Variants in PDZD9 observed in about 807,000 individuals in gnomAD.
The protein encoded by PDZD9 is PDZ domain containing 9.
Under a neutral mutation model 16.3 loss-of-function variants are expected in PDZD9, and 13 were observed. That is an observed-to-expected ratio of 0.80 (90% CI 0.52 to 1.27). PDZD9 has a LOEUF of 1.27. PDZD9 is among the 50% of genes most tolerant of loss of function. The pLI, the probability that PDZD9 is intolerant of heterozygous loss-of-function variation, is 0.00. For synonymous variants in PDZD9, 120 were observed against 111.0 expected, an observed-to-expected ratio of 1.08 and a Z score of -0.51; for missense variants, 288 against 310.9, an observed-to-expected ratio of 0.93 and a Z score of 0.55.
downstream of PDZD9, among the ~76,000 whole-genome samples, chr16:21,981,767 A>T (rs889962802): frequency 6.6e-6 from 1 of 152,028 alleles, no homozygotes; most frequent in Non-Finnish European, 1.5e-5. Context: ...TGTCTCAAAT[A>T]AAAAAGAGAC....
chr16:21,957,813 A>G, the PDZD9 span, among the ~76,000 whole-genome samples: 1 of 152,180 alleles, frequency 6.6e-6, no homozygotes, highest in African/African-American at 2.4e-5. Context: ...AGGTTCTAGG[A>G]AGGCACAAAT....
rs1362961502 is a variant in PDZD9, at chr16:21,984,505, C to T, written c.557G>A (p.Trp186Ter). ...ARRPISISRD[W>*]HGYKKKNHTI... is the part of the protein sequence containing the mutation. ...ATGGTTCTTCTTCTTATATCCATGC[C>T]AGTCTCTGGAGATGGATATTGGTCT... The change falls in exon 4 of 4, where the codon TGG (tryptophan) becomes TAG (stop). Residue 186 changes from tryptophan to a stop codon, truncating the protein, a stop_gained. Transcript: ENST00000424898. LOFTEE classifies it low-confidence loss of function (END_TRUNC). 21 of 1,608,658 alleles carry T rather than the reference C, an allele frequency of 1.3e-5. No homozygotes were observed. Among genetic ancestry groups the T allele is most frequent in the Non-Finnish European group, 1.4e-5 (16 of 1,175,526 alleles).
the PDZD9 span, among the ~76,000 whole-genome samples, chr16:21,977,654 C>G: frequency 2.0e-5 from 3 of 152,166 alleles, no homozygotes; most frequent in African/African-American, 7.2e-5. Flanking sequence ...GGAAATCAAC[C>G]TGCATTTTCA....
chr16:21,990,081 A>G (rs796733838), intron 2 of PDZD9, among the ~76,000 whole-genome samples: 6 of 152,224 alleles, frequency 3.9e-5, no homozygotes, highest in African/African-American at 1.4e-4. Flanking sequence ...CTTTTGGGAG[A>G]TTCTGTCAGA....
downstream of PDZD9, chr16:21,983,197 A>G (rs1429520144): frequency 1.3e-6 from 2 of 1,597,840 alleles, no homozygotes; most frequent in Non-Finnish European, 8.6e-7. Context: ...TACAGGAGAG[A>G]GCTGAACGTT....
the PDZD9 span, among the ~76,000 whole-genome samples, chr16:21,969,711 T>G: frequency 6.6e-6 from 1 of 152,178 alleles, no homozygotes; most frequent in African/African-American, 2.4e-5. Context: ...AAATTCACCC[T>G]TTTGAAGTGA....
the PDZD9 span, chr16:21,973,928 T>G: frequency 6.2e-7 from 1 of 1,613,030 alleles, no homozygotes; most frequent in Non-Finnish European, 8.5e-7. Flanking sequence ...ACTCAGATTC[T>G]GGACTCTTTG....
the PDZD9 span, among the ~76,000 whole-genome samples, chr16:21,957,969 A>G: frequency 6.6e-6 from 1 of 152,230 alleles, no homozygotes; most frequent in Non-Finnish European, 1.5e-5. Flanking sequence ...TAAGGATACC[A>G]GTTACATTAG....
the PDZD9 span, chr16:21,976,061 G>A: frequency 1.2e-4 from 86 of 711,868 alleles, no homozygotes; most frequent in East Asian, 2.2e-3. Context: ...CTGTTTGTCT[G>A]GAACTAACCT....
At chr16:21,983,215 C>A, downstream of PDZD9, 2 of 1,545,340 alleles carry the variant, frequency 1.3e-6, no homozygotes, top group Non-Finnish European at 1.8e-6. Flanking sequence ...GTTCTCTCAG[C>A]CCAGAGCAGC....
chr16:21,962,967 G>A, the PDZD9 span: 1 of 1,470,920 alleles, frequency 6.8e-7, no homozygotes, highest in Non-Finnish European at 9.1e-7. Context: ...AAAAATTGCT[G>A]TCAAAATTTT....
At chr16:22,000,154 G>A (rs770372115) in intron 1 of PDZD9, among the ~76,000 whole-genome samples, 1 of 152,116 alleles carries the variant, frequency 6.6e-6, no homozygotes, top group Non-Finnish European at 1.5e-5. Context: ...CAGTGAGCCA[G>A]GAGCATACCA....
chr16:21,981,275 T>C (rs1319969718), downstream of PDZD9, among the ~76,000 whole-genome samples: 1 of 152,190 alleles, frequency 6.6e-6, no homozygotes, highest in East Asian at 1.9e-4. Context: ...GCAAGGACTA[T>C]GTCATGTACT....
At chr16:21,964,024 C>G in the PDZD9 span, among the ~76,000 whole-genome samples, 6 of 152,050 alleles carry the variant, frequency 3.9e-5, no homozygotes, top group African/African-American at 1.5e-4. Flanking sequence ...GCCGCTGACT[C>G]TTGGGAGTCA....
At chr16:21,958,498 G>T in the PDZD9 span, 2 of 1,600,750 alleles carry the variant, frequency 1.2e-6, no homozygotes, top group South Asian at 2.2e-5. Flanking sequence ...ACTTGGCATT[G>T]AAAAGCTACA....
At chr16:21,959,412 TCTC>T in the PDZD9 span, 3 of 255,394 alleles carry the variant, frequency 1.2e-5, no homozygotes, top group Non-Finnish European at 2.4e-5. Flanking sequence ...ATAAGAAGCA[TCTC>T]CTCATCTGTT....
chr16:21,963,868 C>T, the PDZD9 span, among the ~76,000 whole-genome samples: 1 of 152,118 alleles, frequency 6.6e-6, no homozygotes, highest in Non-Finnish European at 1.5e-5. Flanking sequence ...TATTGTTTAG[C>T]CATCTCCTCT....
In PDZD9 at chr16:22,000,825, AATGATGATGATG is replaced by A. The variant is rs10611346; in HGVS notation, c.31+180_31+191del. Among the ~76,000 whole-genome samples the A allele has an allele frequency of 2.5e-3, 345 of 140,588 alleles. 1 individual carries two copies. Among genetic ancestry groups the A allele is most frequent in the East Asian group, 7.6e-3 (36 of 4,738 alleles). 92.2% of individuals were successfully genotyped at this position (140,588 alleles called of 152,430 possible). On this transcript the variant is annotated intron_variant, in intron 1 of 3. Transcript: ENST00000424898. ...GGGGACAAAGCAAGACTCCTTCTCA[AATGATGATGATG>A]ATGATGATGATGATGATGATGATGA... is the stretch of plus-strand genomic sequence containing the variant.
the PDZD9 span, among the ~76,000 whole-genome samples, chr16:21,963,798 A>T: frequency 6.6e-6 from 1 of 151,926 alleles, no homozygotes; most frequent in Non-Finnish European, 1.5e-5. Context: ...TGTTTTGCTT[A>T]CCCCAAATCC....
Sources: allele counts gnomAD v4.1 joint callset (sites outside exome capture counted in the v4.1 genomes callset), GRCh38; gene constraint gnomAD v4.1.1; transcripts MANE v1.5; gene names NCBI Gene and HGNC (gene_info 2026-07-23, HGNC 2026-07-21).